The following ARMC9 variants were observed in gnomAD, a reference collection of about 807,000 sequenced individuals.
ARMC9 encodes the protein lisH domain-containing protein ARMC9.
ARMC9 carries 94 observed loss-of-function variants against 107.0 expected under a neutral mutation model. The ratio of observed to expected loss-of-function variants is 0.88; its 90% CI spans 0.74 to 1.04. The LOEUF is 1.04. Among genes scored for constraint, ARMC9 ranks in the 50% least tolerant of loss-of-function variants. ARMC9 has a pLI of 0.00. For synonymous variants in ARMC9, 380 were observed against 396.9 expected (o/e 0.96, Z 0.51); for missense variants, 942 against 1,030.1 (o/e 0.91, Z 1.17).
intron 9 of ARMC9, among the ~76,000 whole-genome samples, chr2:231,254,249 T>G (rs924096110): frequency 6.6e-6 from 1 of 151,996 alleles, no homozygotes; most frequent in African/African-American, 2.4e-5. Flanking sequence ...AAGACTGAAA[T>G]CCATGAAAAC....
intron 20 of ARMC9, among the ~76,000 whole-genome samples, chr2:231,342,713 T>A (rs953385032): frequency 9.9e-5 from 15 of 152,088 alleles, no homozygotes; most frequent in African/African-American, 3.6e-4. Context: ...CAGTGTTAAG[T>A]GGTTGCAGTG....
rs185273375 is a variant in ARMC9, at chr2:231,242,424, A to G, written c.879+2383A>G. Among the ~76,000 whole-genome samples the G allele has an allele frequency of 1.9e-3, 286 of 152,260 alleles. 1 individual carries two copies. Among genetic ancestry groups the G allele is most frequent in the African/African-American group, 6.1e-3 (255 of 41,548 alleles). Reference sequence around the variant, plus strand: ...TGGCCACAGTGATTTTAGTGTGCCAAAATCTTAGAGAATCAGCCATTTTTA... The same window carrying G: ...TGGCCACAGTGATTTTAGTGTGCCAGAATCTTAGAGAATCAGCCATTTTTA... On this transcript the variant is annotated intron_variant, in intron 9 of 24. Coordinates refer to ENST00000611582, the MANE Select transcript of ARMC9 (RefSeq NM_001352754.2).
chr2:231,269,398 C>CTTTTTTTT (rs773618086), intron 12 of ARMC9, among the ~76,000 whole-genome samples: 42 of 112,378 alleles, frequency 3.7e-4, no homozygotes, highest in East Asian at 1.1e-3. Context: ...TTTTCTTCTT[C>CTTTTTTTT]TTTTTTTTTT....
chr2:231,328,535 T>G (rs544415626), intron 19 of ARMC9, among the ~76,000 whole-genome samples: 1 of 152,252 alleles, frequency 6.6e-6, no homozygotes, highest in South Asian at 2.1e-4. Context: ...TGAGGTTCAG[T>G]TTTTTTCCTA....
chr2:231,283,975 C>T (rs759973336), intron 17 of ARMC9, among the ~76,000 whole-genome samples: 12 of 152,186 alleles, frequency 7.9e-5, no homozygotes, highest in South Asian at 4.1e-4. Context: ...ATCCTCCCAT[C>T]TTGGCCTCCA....
At chr2:231,284,312 T>C (rs1329477615) in intron 17 of ARMC9, among the ~76,000 whole-genome samples, 1 of 152,240 alleles carries the variant, frequency 6.6e-6, no homozygotes, top group Non-Finnish European at 1.5e-5. Context: ...ATGATATTTA[T>C]ACAATAATGA....
chr2:231,210,778 A>G (rs2032719709), intron 3 of ARMC9, among the ~76,000 whole-genome samples: 1 of 152,246 alleles, frequency 6.6e-6, no homozygotes, highest in Non-Finnish European at 1.5e-5. Context: ...AAGATAACAT[A>G]AAATGTATCA....
At chr2:231,364,507 T>C (rs559967674) in intron 23 of ARMC9, among the ~76,000 whole-genome samples, 2 of 152,280 alleles carry the variant, frequency 1.3e-5, no homozygotes, top group African/African-American at 4.8e-5. Context: ...CATTCATGCA[T>C]CCAGCTAAAG....
Position 231,206,287 on chromosome 2 carries a change from GAGGT to G in ARMC9, c.51+4_51+7del. The G allele has an allele frequency of 6.2e-7, 1 of 1,613,092 alleles. No individual in the cohort carries two copies. The highest frequency in any genetic ancestry group is 8.5e-7 in the Non-Finnish European group (1 of 1,179,072). ...ATCTGAATTACTTGGACTAGTGAAA[GAGGT>G]AGGTATATTATACAAAGCAGAGGTC... On this transcript the variant is annotated splice_donor_variant and coding_sequence_variant, in exon 2 of 25. Coordinates refer to ENST00000611582, the MANE Select transcript of ARMC9 (RefSeq NM_001352754.2). LOFTEE classifies it high-confidence loss of function.
chr2:231,252,829 A>G (rs2037426692), intron 9 of ARMC9, among the ~76,000 whole-genome samples: 4 of 142,366 alleles, frequency 2.8e-5, no homozygotes, highest in African/African-American at 1.1e-4. Flanking sequence ...TTGTAGAGAT[A>G]GGGTTTCATC....
At chr2:231,214,359 G>A (rs1204028523) in intron 3 of ARMC9, among the ~76,000 whole-genome samples, 1 of 152,200 alleles carries the variant, frequency 6.6e-6, no homozygotes, top group Non-Finnish European at 1.5e-5. Context: ...GGATTGACTG[G>A]GTCAGTGTGT....
At chr2:231,310,351 A>G (rs2042267820) in intron 19 of ARMC9, among the ~76,000 whole-genome samples, 1 of 151,184 alleles carries the variant, frequency 6.6e-6, no homozygotes, top group African/African-American at 2.4e-5. Context: ...CCCGGGAGGC[A>G]AGGTTGCAGT....
Position 231,360,507 on chromosome 2 carries a change from C to T in ARMC9, c.2132-247C>T, listed in dbSNP as rs2045524750. 6.6e-6 allele frequency among the ~76,000 whole-genome samples: 1 copy of T among 152,176 alleles called. No homozygotes were observed. ...GAGGGGTGCCAGGAAGGCTGAGCGG[C>T]CAGGGTGATCTGAACCTCCCTGGGC... On this transcript the variant is annotated intron_variant, in intron 22 of 24. Coordinates refer to ENST00000611582, the MANE Select transcript of ARMC9 (RefSeq NM_001352754.2). The surrounding 1 kb of genome is among the most constrained non-coding windows in gnomAD (Gnocchi z 4.7).
chr2:231,261,356 C>G (rs538133155), intron 11 of ARMC9, among the ~76,000 whole-genome samples: 1 of 152,322 alleles, frequency 6.6e-6, no homozygotes, highest in South Asian at 2.1e-4. Context: ...AGCAACATGA[C>G]AGACTTATGG....
chr2:231,344,074 T>G (rs78355262), intron 20 of ARMC9, among the ~76,000 whole-genome samples: 4,030 of 152,314 alleles, frequency 0.026, 85 homozygotes, highest in Non-Finnish European at 0.041. Flanking sequence ...TACTAGACAT[T>G]AGATCATTTC....
chr2:231,200,244 G>A (rs192703101), intron 1 of ARMC9, among the ~76,000 whole-genome samples: 8 of 152,234 alleles, frequency 5.3e-5, no homozygotes, highest in African/African-American at 1.2e-4. Flanking sequence ...CACTTTTCCC[G>A]TTCCAGGGCC....
intron 1 of ARMC9, among the ~76,000 whole-genome samples, chr2:231,204,473 A>G (rs1313824065): frequency 6.6e-6 from 1 of 152,070 alleles, no homozygotes; most frequent in African/African-American, 2.4e-5. Flanking sequence ...GAGGCCATCA[A>G]CCACTCTATC....
In ARMC9 at chr2:231,233,662, G is replaced by A. The variant is rs62197335; in HGVS notation, c.623-1562G>A. 8.9e-3 allele frequency among the ~76,000 whole-genome samples: 1,360 copies of A among 152,116 alleles called. 9 individuals are homozygous for A. The highest frequency in any genetic ancestry group is 0.014 in the Non-Finnish European group (923 of 68,012). On this transcript the variant is annotated intron_variant, in intron 7 of 24. Coordinates refer to ENST00000611582, the MANE Select transcript of ARMC9 (RefSeq NM_001352754.2). ...ATGGTGGCACATGCCTGTAATCCCA[G>A]CTACTCGGGAAGCTGAGTCAGGGGA...
chr2:231,235,430 G>T, intron 8 of ARMC9, 49 bp downstream of exon 8: 1 of 1,605,322 alleles, frequency 6.2e-7, no homozygotes, highest in Non-Finnish European at 8.5e-7. Flanking sequence ...AATGAAGAAG[G>T]CTTATAGGCA....
Sources: gnomAD v4.1 joint callset for allele counts (sites outside exome capture counted in the v4.1 genomes callset) on GRCh38, gnomAD v4.1.1 for gene constraint, Gnocchi (gnomAD v3.1) non-coding constraint, MANE v1.5 for transcripts, NCBI Gene and HGNC (gene_info 2026-07-23, HGNC 2026-07-21) for gene names.